Variants in CCSER1 observed in about 807,000 individuals in gnomAD.
The protein encoded by CCSER1 is coiled-coil serine rich protein 1, also known as serine-rich coiled-coil domain-containing protein 1.
In CCSER1, 41 loss-of-function variants were observed where a neutral mutation model predicts 82.0. The observed-to-expected ratio is 0.50, with a 90% CI of 0.39 to 0.65. The LOEUF is 0.65. Ranked by LOEUF, CCSER1 falls within the 30% of genes least tolerant of loss-of-function variation. The pLI, the probability that CCSER1 is intolerant of heterozygous loss-of-function variation, is 0.00. For missense variants in CCSER1, 1,119 were observed against 1,064.2 expected, an observed-to-expected ratio of 1.05 and a Z score of -0.72; for synonymous variants, 414 against 383.9, an observed-to-expected ratio of 1.08 and a Z score of -0.92.
At chr4:91,039,656 C>CAT (rs1381872610) in intron 9 of CCSER1, among the ~76,000 whole-genome samples, 1 of 151,716 alleles carries the variant, frequency 6.6e-6, no homozygotes, top group Non-Finnish European at 1.5e-5. Context: ...CATACATACA[C>CAT]ATATATATTT....
At chr4:91,450,021 T>A (rs1390564505) in intron 10 of CCSER1, among the ~76,000 whole-genome samples, 2 of 152,090 alleles carry the variant, frequency 1.3e-5, no homozygotes, top group African/African-American at 4.8e-5. Flanking sequence ...AGTTCTAATC[T>A]GCATATGTGA....
chr4:91,574,294 T>A (rs1763334950), intron 10 of CCSER1, among the ~76,000 whole-genome samples: 1 of 152,114 alleles, frequency 6.6e-6, no homozygotes, highest in African/African-American at 2.4e-5. Context: ...TATTCAGTGT[T>A]GGTGGAAATT....
chr4:90,907,409 G>A (rs1389559743), intron 8 of CCSER1, among the ~76,000 whole-genome samples: 1 of 152,058 alleles, frequency 6.6e-6, no homozygotes, highest in East Asian at 1.9e-4. Flanking sequence ...AATTCTTCTG[G>A]ACCTATTTCC....
chr4:90,213,215 T>C (rs529494082), intron 1 of CCSER1, among the ~76,000 whole-genome samples: 41 of 152,072 alleles, frequency 2.7e-4, no homozygotes, highest in Non-Finnish European at 5.1e-4. Context: ...AAGGAATTGC[T>C]AGAGGATTAA....
chr4:90,740,353 G>A (rs1746338995), intron 7 of CCSER1, among the ~76,000 whole-genome samples: 1 of 151,984 alleles, frequency 6.6e-6, no homozygotes, highest in African/African-American at 2.4e-5. Context: ...CATTACTGAT[G>A]GATGATGAAT....
chr4:90,315,298 A>G (rs756358214), intron 3 of CCSER1, among the ~76,000 whole-genome samples: 3 of 152,210 alleles, frequency 2.0e-5, no homozygotes, highest in Non-Finnish European at 2.9e-5. Flanking sequence ...GGTGGTGGAC[A>G]GTATATCAGG....
rs986169082 is a variant in CCSER1 at position 91,479,691 on chromosome 4, C to CT, written c.2218-118871dup. 1.1e-3 allele frequency among the ~76,000 whole-genome samples: 136 copies of CT among 128,968 alleles called. 2 individuals are homozygous for CT. The South Asian group carries it at 0.025, about 24-fold the overall frequency. 84.6% of individuals were successfully genotyped at this position (128,968 alleles called of 152,430 possible). The stretch of plus-strand genomic sequence containing the variant: ...TTATGGAAAGCAGTTTATTCTTATT[C>CT]TTTTTTTTTTCTTTTTTTTCTTTCT... On this transcript the variant is annotated intron_variant, in intron 10 of 10. Coordinates refer to ENST00000509176, the MANE Select transcript of CCSER1 (RefSeq NM_001145065.2).
intron 10 of CCSER1, among the ~76,000 whole-genome samples, chr4:91,332,985 T>C (rs1299426443): frequency 2.6e-5 from 4 of 152,086 alleles, no homozygotes; most frequent in African/African-American, 9.7e-5. Context: ...TCAAAATTAC[T>C]TGAGATGAAC....
At chr4:90,760,399 G>T (rs971348132) in intron 7 of CCSER1, among the ~76,000 whole-genome samples, 1 of 151,854 alleles carries the variant, frequency 6.6e-6, no homozygotes, top group Admixed American at 6.6e-5. Flanking sequence ...CTTCAGTAAT[G>T]TTAATTTTAT....
intron 10 of CCSER1, among the ~76,000 whole-genome samples, chr4:91,296,791 A>G (rs1207508641): frequency 1.3e-5 from 2 of 151,708 alleles, no homozygotes; most frequent in East Asian, 2.0e-4. Flanking sequence ...TTATTACCAG[A>G]CTGGGATTTT....
intron 5 of CCSER1, among the ~76,000 whole-genome samples, chr4:90,477,019 C>T (rs1765207761): frequency 6.6e-6 from 1 of 152,076 alleles, no homozygotes; most frequent in Non-Finnish European, 1.5e-5. Flanking sequence ...GGTGCATCAC[C>T]ATTGTTTTGA....
At chr4:91,022,450 A>C (rs1405307810) in intron 9 of CCSER1, among the ~76,000 whole-genome samples, 1 of 152,130 alleles carries the variant, frequency 6.6e-6, no homozygotes, top group Non-Finnish European at 1.5e-5. Context: ...TGCTATTGTG[A>C]ATAGTGCCGC....
At chr4:91,193,520 A>G in intron 10 of CCSER1, among the ~76,000 whole-genome samples, 1 of 152,172 alleles carries the variant, frequency 6.6e-6, no homozygotes, top group East Asian at 1.9e-4. Context: ...CTCATACTAA[A>G]TATATTTATA....
chr4:90,563,197 C>T lies in CCSER1; in HGVS notation c.1725-64828C>T, dbSNP rs143465392. On this transcript the variant is annotated intron_variant, in intron 5 of 10. Coordinates refer to ENST00000509176, the MANE Select transcript of CCSER1 (RefSeq NM_001145065.2). ...CACGATATCGGCTCACTGCAACCTC[C>T]GCCTCCCGGGTTGAAGCAATTTTCC... 8.1e-4 allele frequency among the ~76,000 whole-genome samples: 123 copies of T among 152,000 alleles called. 1 individual carries two copies. The East Asian group carries it at 0.014, about 17-fold the overall frequency.
At position 90,740,723 on chromosome 4, in the gene CCSER1, T is replaced by A. The variant is rs531201893; in HGVS notation, c.2010+16732T>A. 3.9e-5 allele frequency among the ~76,000 whole-genome samples: 6 copies of A among 152,300 alleles called. No individual in the cohort carries two copies. In the South Asian group the frequency reaches 1.2e-3, roughly 32 times the overall value. ...TTTCTGTCTTAAATTTAAATTTCAA[T>A]TAGTTTTTCATTTTTTCCAGGTTGG... On this transcript the variant is annotated intron_variant, in intron 7 of 10. Coordinates refer to ENST00000509176, the MANE Select transcript of CCSER1 (RefSeq NM_001145065.2).
At chr4:90,292,243 A>G (rs532508157) in intron 1 of CCSER1, among the ~76,000 whole-genome samples, 10 of 151,854 alleles carry the variant, frequency 6.6e-5, no homozygotes, top group Non-Finnish European at 1.2e-4. Flanking sequence ...CTTCATATCT[A>G]TGGAATATTG....
At chr4:90,271,230 T>G (rs975670406) in intron 1 of CCSER1, among the ~76,000 whole-genome samples, 3 of 152,144 alleles carry the variant, frequency 2.0e-5, no homozygotes, top group Admixed American at 2.0e-4. Context: ...ATTACCTGAC[T>G]TCAAATTATT....
intron 8 of CCSER1, among the ~76,000 whole-genome samples, chr4:90,917,650 C>T (rs1025136092): frequency 1.3e-5 from 2 of 151,870 alleles, no homozygotes; most frequent in Non-Finnish European, 2.9e-5. Context: ...TACCCTAGAA[C>T]TTAAAGTATA....
chr4:90,673,436 G>A (rs567724958), intron 6 of CCSER1, among the ~76,000 whole-genome samples: 2 of 151,922 alleles, frequency 1.3e-5, no homozygotes, highest in South Asian at 4.2e-4. Flanking sequence ...TGCATATAAA[G>A]CACATCCCAT....
Sources: gnomAD v4.1 joint callset for allele counts (sites outside exome capture counted in the v4.1 genomes callset) on GRCh38, gnomAD v4.1.1 for gene constraint, MANE v1.5 for transcripts, NCBI Gene and HGNC (gene_info 2026-07-23, HGNC 2026-07-21) for gene names.